LMAN1: variants seen among roughly 807,000 people sequenced by gnomAD.
LMAN1 encodes protein ERGIC-53.
LMAN1 carries 32 observed loss-of-function variants against 67.8 expected under a neutral mutation model. That is an observed-to-expected ratio of 0.47 (90% confidence interval 0.36 to 0.63). LMAN1 has a LOEUF of 0.63. LMAN1 is among the 30% of genes least tolerant of loss of function. The pLI is 0.00. For synonymous variants in LMAN1, 235 were observed against 219.3 expected (o/e 1.07, Z -0.63); for missense variants, 632 against 628.2 (o/e 1.01, Z -0.06).
chr18:59,335,981 T>C (rs1184156664), intron 10 of LMAN1, among the ~76,000 whole-genome samples: 1 of 152,164 alleles, frequency 6.6e-6, no homozygotes, highest in Non-Finnish European at 1.5e-5. Context: ...GGTTTTTCCC[T>C]GTTGGAGGAA....
intron 8 of LMAN1, among the ~76,000 whole-genome samples, chr18:59,343,863 A>C (rs1281126972): frequency 2.0e-5 from 3 of 152,138 alleles, no homozygotes; most frequent in Non-Finnish European, 2.9e-5. Flanking sequence ...TCTAACCTAC[A>C]GAATGGGAAA....
intron 11 of LMAN1, among the ~76,000 whole-genome samples, chr18:59,331,842 A>C (rs2144207746): frequency 6.6e-6 from 1 of 152,278 alleles, no homozygotes; most frequent in Admixed American, 6.5e-5. Context: ...GTCACCACAG[A>C]CAACTCCTCT....
At chr18:59,344,558 G>A (rs913751812) in intron 8 of LMAN1, among the ~76,000 whole-genome samples, 1 of 152,024 alleles carries the variant, frequency 6.6e-6, no homozygotes, top group African/African-American at 2.4e-5. Context: ...AAATGACTTA[G>A]AAAGTCAAAT....
At position 59,355,176 on chromosome 18, in the gene LMAN1, T is replaced by C. The variant is rs964529386; in HGVS notation, c.477+137A>G. On this transcript the variant is annotated intron_variant, in intron 3 of 12. Transcript: ENST00000251047. Reference sequence around the variant, plus strand: ...ACATTCCTAGCTATATAAAGACTAATTATCACATTTACCATATAGCTTGGG... The same window carrying C: ...ACATTCCTAGCTATATAAAGACTAACTATCACATTTACCATATAGCTTGGG... 3.0e-5 allele frequency: 22 copies of C among 722,876 alleles called. No individual in the cohort carries two copies. In the African/African-American group the frequency reaches 3.5e-4, roughly 12 times the overall value. 44.8% of individuals were successfully genotyped at this position (722,876 alleles called of 1,614,324 possible). A position where few individuals can be genotyped will look rare whatever the true frequency, so the allele number is the denominator to read the frequency against.
At chr18:59,345,757 T>A (rs566032939) in intron 8 of LMAN1, among the ~76,000 whole-genome samples, 162 bp downstream of exon 8, 1 of 152,298 alleles carries the variant, frequency 6.6e-6, no homozygotes, top group Non-Finnish European at 1.5e-5. Context: ...ATCTCTTGAC[T>A]CTTAAAGACT....
At position 59,339,713 on chromosome 18, in the gene LMAN1, G is replaced by T. The variant is rs143322150; in HGVS notation, c.956-760C>A. Among the ~76,000 whole-genome samples, 41 of 152,238 alleles carry T rather than the reference G, an allele frequency of 2.7e-4. No homozygotes were observed. In the East Asian group the frequency reaches 7.0e-3, roughly 26 times the overall value. On this transcript the variant is annotated intron_variant, in intron 8 of 12. Transcript: ENST00000251047. ...CGCTGCAATGTTCCAAGGAGAGAAG[G>T]GGGGACACTGGTCACTCCCATGCAC... is the stretch of plus-strand genomic sequence containing the variant.
At chr18:59,346,756 G>C (rs1908417509) in intron 7 of LMAN1, among the ~76,000 whole-genome samples, 1 of 151,270 alleles carries the variant, frequency 6.6e-6, no homozygotes, top group Non-Finnish European at 1.5e-5. Flanking sequence ...CTGACCTCAG[G>C]TGATCTGCCC....
chr18:59,344,568 T>C (rs1908358550), intron 8 of LMAN1, among the ~76,000 whole-genome samples: 1 of 151,922 alleles, frequency 6.6e-6, no homozygotes, highest in Non-Finnish European at 1.5e-5. Context: ...GAAAGTCAAA[T>C]ACCATACATT....
At chr18:59,347,894 C>A (rs941564305) in intron 6 of LMAN1, among the ~76,000 whole-genome samples, 2 of 152,182 alleles carry the variant, frequency 1.3e-5, no homozygotes, top group African/African-American at 4.8e-5. Context: ...AAAAGAAGTC[C>A]AAACTCCTTA....
intron 1 of LMAN1, among the ~76,000 whole-genome samples, chr18:59,357,980 A>G (rs1427602587): frequency 1.3e-5 from 2 of 151,832 alleles, no homozygotes; most frequent in African/African-American, 4.8e-5. Context: ...AAAAAAAAAA[A>G]AAAAGATTAA....
chr18:59,348,277 G>T (rs1053126910), intron 6 of LMAN1, among the ~76,000 whole-genome samples: 1 of 152,144 alleles, frequency 6.6e-6, no homozygotes, highest in South Asian at 2.1e-4. Context: ...CTGTTTTTAC[G>T]GAATCTAGAG....
intron 5 of LMAN1, among the ~76,000 whole-genome samples, chr18:59,349,802 T>G (rs1444752209): frequency 1.3e-5 from 2 of 152,238 alleles, no homozygotes; most frequent in African/African-American, 4.8e-5. Context: ...AATGTATATT[T>G]GAAGGAATGA....
At chr18:59,348,883 C>T (rs1462096181) in intron 6 of LMAN1, among the ~76,000 whole-genome samples, 1 of 152,196 alleles carries the variant, frequency 6.6e-6, no homozygotes, top group African/African-American at 2.4e-5. Context: ...CAAACTGATG[C>T]TGTAATTGAC....
Position 59,333,045 on chromosome 18 carries a change from CTTTCCTA to C in LMAN1, c.1374+39_1374+45del, listed in dbSNP as rs2070757557. The C allele has an allele frequency of 4.6e-6, 7 of 1,517,962 alleles. No individual in the cohort carries two copies. The East Asian group carries it at 1.6e-4, about 34-fold the overall frequency. 94.0% of individuals were successfully genotyped at this position (1,517,962 alleles called of 1,614,324 possible). On this transcript the variant is annotated intron_variant, in intron 11 of 12. Transcript: ENST00000251047. ...ACTTGCAGTAGAGTATGAGTTCTTC[CTTTCCTA>C]AAGATTATAATTATAAAAGGAAAAG...
At chr18:59,352,923 C>G (rs1908576190) in intron 5 of LMAN1, 2 of 376,680 alleles carry the variant, frequency 5.3e-6, no homozygotes, top group African/African-American at 4.2e-5. Flanking sequence ...ATCTATCTAC[C>G]TATCTATCTA....
chr18:59,336,336 A>T (rs1442998547), intron 10 of LMAN1, among the ~76,000 whole-genome samples: 2 of 152,220 alleles, frequency 1.3e-5, no homozygotes, highest in East Asian at 3.8e-4. Flanking sequence ...ATAAATTTTT[A>T]AAATGCTCAA....
Position 59,331,503 on chromosome 18 carries a change from G to A in LMAN1, c.1411C>T (p.Pro471Ser), listed in dbSNP as rs140260039. 5.9e-5 allele frequency: 95 copies of A among 1,612,658 alleles called. 1 individual carries two copies. The African/African-American group carries it at 9.9e-4, about 17-fold the overall frequency. ...NEKPKCPELP[P>S]FPSCLSTVHF... ...ACCGTAGACAAACATGATGGAAATG[G>A]TGGTAGTTCTGGGCATTTCGGCTTT... Residue 471 changes from proline (P) to serine (S), a missense_variant, in exon 12 of 13, where the codon CCA becomes TCA. Pro to Ser is a moderately conservative substitution (Grantham distance 74, BLOSUM62 -1). Coordinates refer to ENST00000251047, the MANE Select transcript of LMAN1 (RefSeq NM_005570.4).
Position 59,328,364 on chromosome 18 carries a change from A to G in LMAN1, c.*2729T>C, listed in dbSNP as rs944616806. 5.3e-5 allele frequency: 8 copies of G among 152,192 alleles called. No homozygotes were observed. The highest frequency in any genetic ancestry group is 1.2e-4 in the Non-Finnish European group (8 of 68,028). The allele number at this position is 152,192 out of a possible 1,614,324, so 9.4% of individuals were successfully genotyped here. On this transcript the variant is annotated 3_prime_UTR_variant, in exon 13 of 13. Transcript: ENST00000251047. Reference sequence around the variant, plus strand: ...CCATGAATGATCTCAAGATGATTTCATAAGATTAAAAGCCATCACGAAAAT... The same window carrying G: ...CCATGAATGATCTCAAGATGATTTCGTAAGATTAAAAGCCATCACGAAAAT...
chr18:59,331,213 T>C, intron 12 of LMAN1, 84 bp from the exon 13 acceptor site: 1 of 1,219,162 alleles, frequency 8.2e-7, no homozygotes, highest in Admixed American at 1.8e-5. Flanking sequence ...AATTAAAATA[T>C]CAATGCCTTT....
Sources: gnomAD v4.1 joint callset for allele counts (sites outside exome capture counted in the v4.1 genomes callset) on GRCh38, gnomAD v4.1.1 for gene constraint, MANE v1.5 for transcripts, NCBI Gene and HGNC (gene_info 2026-07-23, HGNC 2026-07-21) for gene names.